The following PRIM1 variants were observed in gnomAD, a reference collection of about 807,000 sequenced individuals.
PRIM1 encodes the protein DNA primase small subunit.
In PRIM1, 38 loss-of-function variants were observed where a neutral mutation model predicts 60.2. The ratio of observed to expected loss-of-function variants is 0.63; its 90% CI spans 0.49 to 0.83. The LOEUF is 0.83. Among genes scored for constraint, PRIM1 ranks in the 40% least tolerant of loss-of-function variants. PRIM1 has a pLI of 0.00. For missense variants in PRIM1, 388 were observed against 506.2 expected (o/e 0.77, Z 2.24); for synonymous variants, 158 against 160.2 (o/e 0.99, Z 0.10).
At chr12:56,749,032 A>G (rs1443210057) in intron 2 of PRIM1, among the ~76,000 whole-genome samples, 1 of 151,988 alleles carries the variant, frequency 6.6e-6, no homozygotes, top group Non-Finnish European at 1.5e-5. Context: ...TTTTTTAGAC[A>G]GGGTCTCACT....
At chr12:56,735,903 A>G (rs948708692) in intron 11 of PRIM1, among the ~76,000 whole-genome samples, 2 of 151,800 alleles carry the variant, frequency 1.3e-5, no homozygotes, top group Admixed American at 6.6e-5. Context: ...CACCCGCCTC[A>G]GGCTCCCAAA....
chr12:56,741,524 A>G lies in PRIM1; in HGVS notation c.893T>C (p.Leu298Pro), dbSNP rs1317894468. 1 of 1,613,660 alleles carries G rather than the reference A, an allele frequency of 6.2e-7. No individual in the cohort carries two copies. The highest frequency in any genetic ancestry group is 1.1e-5 in the South Asian group (1 of 91,038). ...ATCCAGCCGTGGAAAACAGTACTGGAGCATAATCTCCCACTCCAGCCAGGG... is the reference window on the plus strand; with the variant it reads ...ATCCAGCCGTGGAAAACAGTACTGGGGCATAATCTCCCACTCCAGCCAGGG... ...YGPWLEWEIMLQYCFPRLDIN... is the reference protein window; with the variant it reads ...YGPWLEWEIMPQYCFPRLDIN... The change falls in exon 9 of 13, where the codon CTC becomes CCC. Residue 298 changes from leucine to proline, a missense_variant. By Grantham distance (98) the Leu-to-Pro change is moderately conservative. Around this residue, in one of 3 missense-constraint regions of PRIM1, gnomAD observed 211 missense variants for 277.9 expected, o/e 0.76. Coordinates refer to ENST00000338193, the MANE Select transcript of PRIM1 (RefSeq NM_000946.3).
At chr12:56,750,406 C>T (rs1413379887) in intron 2 of PRIM1, among the ~76,000 whole-genome samples, 1 of 151,850 alleles carries the variant, frequency 6.6e-6, no homozygotes, top group Non-Finnish European at 1.5e-5. Context: ...AGAGAGGAAT[C>T]AAGAATAACT....
chr12:56,751,966 GTTTTTT>G (rs66861394), intron 1 of PRIM1, among the ~76,000 whole-genome samples: 2 of 79,362 alleles, frequency 2.5e-5, no homozygotes, highest in Non-Finnish European at 2.4e-5. Flanking sequence ...CGGCGGCTCT[GTTTTTT>G]TTTTTTTTTT....
chr12:56,731,853 G>C, intron 12 of PRIM1, 119 bp from the exon 13 acceptor site: 1 of 796,752 alleles, frequency 1.3e-6, no homozygotes, highest in Non-Finnish European at 1.9e-6. Flanking sequence ...ACAAAGATTT[G>C]CTTACACATT....
chr12:56,738,856 A>G (rs368834435), intron 10 of PRIM1, among the ~76,000 whole-genome samples: 2 of 152,144 alleles, frequency 1.3e-5, no homozygotes, highest in Non-Finnish European at 2.9e-5. Context: ...CACCACGAAC[A>G]AGAGAAGTTT....
At position 56,743,037 on chromosome 12, in the gene PRIM1, A is replaced by G; in HGVS notation, c.698T>C (p.Ile233Thr). The G allele has an allele frequency of 6.5e-7, 1 of 1,542,714 alleles. No individual in the cohort carries two copies. Among genetic ancestry groups the G allele is most frequent in the Non-Finnish European group, 8.7e-7 (1 of 1,147,028 alleles). Reference sequence around the variant, plus strand: ...ATCCCAGCTTTCTTTATTTTCGAGAATATCTTGATTAACCAAGGCATATTC... The same window carrying G: ...ATCCCAGCTTTCTTTATTTTCGAGAGTATCTTGATTAACCAAGGCATATTC... ...FEEYALVNQD[I>T]LENKESWDKI... The change falls in exon 7 of 13, where the codon ATT (isoleucine) becomes ACT (threonine). Residue 233 changes from isoleucine (I) to threonine (T), a missense_variant. Physicochemically the swap from Ile to Thr is moderately conservative, Grantham distance 89. This residue lies in a region of PRIM1 where 211 missense variants were observed against 277.9 expected (regional missense o/e 0.76). Transcript: ENST00000338193.
rs182230080 is a variant in PRIM1, at chr12:56,748,303, C to T, written c.262-1271G>A. On this transcript the variant is annotated intron_variant, in intron 2 of 12. Transcript: ENST00000338193. Reference sequence around the variant, plus strand: ...CTTCTGTACTCTTCCACTACCAACTCAGGCAGGAAGCTAGAAGATTTCTCT... The same window carrying T: ...CTTCTGTACTCTTCCACTACCAACTTAGGCAGGAAGCTAGAAGATTTCTCT... 1.8e-3 allele frequency among the ~76,000 whole-genome samples: 273 copies of T among 152,284 alleles called. 1 individual carries two copies. The highest frequency in any genetic ancestry group is 6.4e-3 in the African/African-American group (267 of 41,556).
Position 56,738,448 on chromosome 12 carries a change from T to C in PRIM1, c.1130A>G (p.Lys377Arg). 1 of 1,581,936 alleles carries C rather than the reference T, an allele frequency of 6.3e-7. No homozygotes were observed. The highest frequency in any genetic ancestry group is 8.6e-7 in the Non-Finnish European group (1 of 1,162,260). The change falls in exon 11 of 13, where the codon AAA becomes AGA. Residue 377 changes from lysine (K) to arginine (R), a missense_variant. Lys to Arg is a conservative substitution (Grantham distance 26, BLOSUM62 2). Around this residue, in one of 3 missense-constraint regions of PRIM1, gnomAD observed 211 missense variants for 277.9 expected, o/e 0.76. Transcript: ENST00000338193. ...KEENEAESDV[K>R]HRTRDYKKTS... ...TATTACCTTACCTCTGGTTCTATGT[T>C]TGACATCAGATTCAGCTTCATTCTC...
At chr12:56,741,949 C>T in intron 7 of PRIM1, 112 bp from the exon 8 acceptor site, 3 of 1,049,178 alleles carry the variant, frequency 2.9e-6, no homozygotes, top group Non-Finnish European at 4.3e-6. Flanking sequence ...TAGTTATTAA[C>T]ATTTCTTGAA....
chr12:56,740,923 C>T (rs772307385), intron 9 of PRIM1, among the ~76,000 whole-genome samples: 2 of 152,100 alleles, frequency 1.3e-5, no homozygotes, highest in Non-Finnish European at 1.5e-5. Context: ...AAGTGATCCT[C>T]CTGCCTCAGC....
chr12:56,734,343 C>A, intron 11 of PRIM1, 98 bp from the exon 12 acceptor site: 1 of 670,534 alleles, frequency 1.5e-6, no homozygotes, highest in Non-Finnish European at 2.5e-6. Flanking sequence ...TAGGGCTGCC[C>A]AATTGAAATA....
At chr12:56,743,936 A>C (rs775429322) in intron 6 of PRIM1, 129 bp downstream of exon 6, 4 of 628,418 alleles carry the variant, frequency 6.4e-6, no homozygotes, top group Non-Finnish European at 1.1e-5. Flanking sequence ...TAAAATAGGC[A>C]CTCAATTAAC....
chr12:56,734,934 C>T (rs1481714756), intron 11 of PRIM1, among the ~76,000 whole-genome samples: 1 of 150,896 alleles, frequency 6.6e-6, no homozygotes, highest in South Asian at 2.1e-4. Context: ...ACCTCAGCCT[C>T]CCGACTAGCT....
chr12:56,734,105 A>G, intron 12 of PRIM1, 42 bp downstream of exon 12: 1 of 1,388,478 alleles, frequency 7.2e-7, no homozygotes, highest in Non-Finnish European at 1.0e-6. Context: ...TCTACTAATA[A>G]TAAGATCTAA....
intron 12 of PRIM1, among the ~76,000 whole-genome samples, chr12:56,732,006 C>T (rs1953788452): frequency 6.6e-6 from 1 of 152,158 alleles, no homozygotes; most frequent in African/African-American, 2.4e-5. Context: ...ATATGAGTGT[C>T]TACTGAGTAG....
At chr12:56,750,683 G>A (rs1428280727) in intron 2 of PRIM1, among the ~76,000 whole-genome samples, 3 of 150,638 alleles carry the variant, frequency 2.0e-5, no homozygotes, top group South Asian at 2.1e-4. Context: ...TCCACCTCCC[G>A]GGTTCAAGCG....
chr12:56,738,585 C>G, intron 10 of PRIM1, 60 bp from the exon 11 acceptor site: 1 of 1,514,866 alleles, frequency 6.6e-7, no homozygotes, highest in Non-Finnish European at 8.9e-7. Flanking sequence ...CGGAGTCTTG[C>G]TCTGTTGCCA....
intron 1 of PRIM1, 142 bp downstream of exon 1, chr12:56,752,054 G>C: frequency 2.1e-6 from 1 of 482,596 alleles, no homozygotes; most frequent in Non-Finnish European, 3.8e-6. Context: ...CTATGAAGTG[G>C]TGGGGCGGGC....
Sources: allele counts gnomAD v4.1 joint callset (sites outside exome capture counted in the v4.1 genomes callset), GRCh38; gene constraint gnomAD v4.1.1; regional missense constraint gnomAD v4.1.1; transcripts MANE v1.5; gene names NCBI Gene and HGNC (gene_info 2026-07-23, HGNC 2026-07-21).